ZNF883: variants seen among roughly 807,000 people sequenced by gnomAD.
ZNF883 encodes zinc finger protein 883.
intron 1 of ZNF883, among the ~76,000 whole-genome samples, chr9:112,991,819 C>T (rs754410102): frequency 1.1e-4 from 17 of 152,130 alleles, no homozygotes; most frequent in Middle Eastern, 3.2e-3. Context: ...GAATTGAATC[C>T]TTTACCATTA....
rs573613410 is a variant in ZNF883, at chr9:112,998,234, G to C, written n.26C>G. On this transcript the variant is annotated non_coding_transcript_exon_variant, in exon 1 of 1. Coordinates refer to ENST00000639662, the Ensembl canonical transcript of ZNF883. ...TTCAGTACAGAGATATGGGTTCGCG[G>C]TCATATAAATTTTCTCAGATTCCAT... The C allele has an allele frequency of 6.3e-6, 10 of 1,598,598 alleles. No homozygotes were observed. The East Asian group carries it at 8.9e-5, about 14-fold the overall frequency.
At chr9:113,010,673 A>C (rs10739384) in intron 2 of ZNF883, among the ~76,000 whole-genome samples, 89,794 of 152,012 alleles carry the variant, frequency 0.59, 27,217 homozygotes, top group East Asian at 0.84. Context: ...TGAATATATA[A>C]AATTTTTATT....
At chr9:112,996,619 G>A (rs569887452), downstream of ZNF883, among the ~76,000 whole-genome samples, 1,423 of 149,486 alleles carry the variant, frequency 9.5e-3, 13 homozygotes, top group Non-Finnish European at 0.014. Flanking sequence ...GTGAAACCCC[G>A]TCTCTACTAA....
upstream of ZNF883, among the ~76,000 whole-genome samples, chr9:113,001,255 A>C (rs1828420869): frequency 6.6e-6 from 1 of 152,172 alleles, no homozygotes; most frequent in South Asian, 2.1e-4. Context: ...TTTTTAGGCA[A>C]CATGTTATTT....
Position 112,990,951 on chromosome 9 carries a change from G to A in ZNF883, n.310-7372C>T, listed in dbSNP as rs113026862. ...TTGGTTGTATTTCTGTGGGGTCGGG[G>A]TGATATCCCCTTTACCATTTTTTAT... On this transcript the variant is annotated intron_variant and non_coding_transcript_variant, in intron 1 of 9. Transcript: ENST00000638823. Among the ~76,000 whole-genome samples the A allele has an allele frequency of 2.7e-3, 409 of 152,236 alleles. 1 individual carries two copies. The highest frequency in any genetic ancestry group is 9.0e-3 in the African/African-American group (372 of 41,554).
At chr9:113,004,226 G>A (rs1828454116) in intron 2 of ZNF883, among the ~76,000 whole-genome samples, 1 of 152,174 alleles carries the variant, frequency 6.6e-6, no homozygotes, top group South Asian at 2.1e-4. Flanking sequence ...TTTCCTACAG[G>A]TTTCAGAGGC....
At chr9:113,010,467 T>C (rs757176399) in intron 2 of ZNF883, among the ~76,000 whole-genome samples, 2 of 152,230 alleles carry the variant, frequency 1.3e-5, no homozygotes, top group Non-Finnish European at 2.9e-5. Context: ...TATTATTGCA[T>C]GGTTGTATAC....
downstream of ZNF883, among the ~76,000 whole-genome samples, chr9:112,994,858 C>G (rs568726589): frequency 6.6e-6 from 1 of 151,610 alleles, no homozygotes; most frequent in Non-Finnish European, 1.5e-5. Flanking sequence ...TAAATTATTG[C>G]TATCTTTTTT....
intron 1 of ZNF883, among the ~76,000 whole-genome samples, chr9:112,991,782 T>C (rs1828305852): frequency 6.6e-6 from 1 of 152,224 alleles, no homozygotes; most frequent in Admixed American, 6.5e-5. Flanking sequence ...GGTGCATATA[T>C]ATTTAGAATA....
chr9:113,004,813 CATATT>C (rs953531341), intron 2 of ZNF883, among the ~76,000 whole-genome samples: 14 of 150,200 alleles, frequency 9.3e-5, no homozygotes, highest in African/African-American at 3.4e-4. Context: ...GATATCCAAA[CATATT>C]CTATAGCTAC....
chr9:113,005,232 TAAAAGAC>T (rs1745197510), intron 2 of ZNF883, among the ~76,000 whole-genome samples: 2 of 151,990 alleles, frequency 1.3e-5, no homozygotes, highest in Admixed American at 1.3e-4. Flanking sequence ...TCAACTAAAT[TAAAAGAC>T]AAAAGACATA....
At position 113,008,208 on chromosome 9, in the gene ZNF883, C is replaced by T. The variant is rs991898577; in HGVS notation, n.165+2933G>A. On this transcript the variant is annotated intron_variant and non_coding_transcript_variant, in intron 2 of 4. Transcript: ENST00000638622. ...CAAATTACTGCCTATAAAGCATATTCTCTTTAATTTACTAATGACACAAGA... is the reference window on the plus strand; with the variant it reads ...CAAATTACTGCCTATAAAGCATATTTTCTTTAATTTACTAATGACACAAGA... Among the ~76,000 whole-genome samples the T allele has an allele frequency of 3.5e-4, 54 of 152,158 alleles. 1 individual carries two copies. The highest frequency in any genetic ancestry group is 6.5e-5 in the Admixed American group (1 of 15,272).
At chr9:112,991,327 T>C (rs1295337575) in intron 1 of ZNF883, among the ~76,000 whole-genome samples, 2 of 152,254 alleles carry the variant, frequency 1.3e-5, no homozygotes, top group East Asian at 3.8e-4. Flanking sequence ...ATTTGATTTC[T>C]GCCTTAATTG....
chr9:113,008,837 T>C (rs1271438791), intron 2 of ZNF883, among the ~76,000 whole-genome samples: 1 of 151,830 alleles, frequency 6.6e-6, no homozygotes, highest in African/African-American at 2.4e-5. Context: ...CTCCTGTTAC[T>C]ATGGAGTATA....
chr9:113,002,168 G>A (rs1262967324), upstream of ZNF883: 1 of 152,136 alleles, frequency 6.6e-6, no homozygotes, highest in East Asian at 1.9e-4. Context: ...ATGACAAAGT[G>A]GAGGACTATT....
chr9:113,008,677 C>T (rs1828501670), intron 2 of ZNF883, among the ~76,000 whole-genome samples: 1 of 151,900 alleles, frequency 6.6e-6, no homozygotes, highest in Non-Finnish European at 1.5e-5. Flanking sequence ...ATATAAATGA[C>T]AAAACTATCA....
upstream of ZNF883, chr9:112,999,272 T>C (rs1444591361): frequency 6.6e-6 from 1 of 152,202 alleles, no homozygotes; most frequent in African/African-American, 2.4e-5. Flanking sequence ...GAACAATATA[T>C]ATGTCTGGAA....
intron 2 of ZNF883, among the ~76,000 whole-genome samples, chr9:113,008,748 T>C (rs1027713605): frequency 1.3e-5 from 2 of 152,018 alleles, no homozygotes; most frequent in African/African-American, 4.8e-5. Context: ...AAGTGAGATC[T>C]AGTGCACTGG....
downstream of ZNF883, among the ~76,000 whole-genome samples, chr9:112,992,466 C>T (rs1348055271): frequency 6.6e-6 from 1 of 152,166 alleles, no homozygotes; most frequent in East Asian, 1.9e-4. Flanking sequence ...CTGATGGGCT[C>T]CCCTTTGTAG....
Sources: allele counts gnomAD v4.1 joint callset (sites outside exome capture counted in the v4.1 genomes callset), GRCh38; gene constraint gnomAD v4.1.1; transcripts MANE v1.5; gene names NCBI Gene and HGNC (gene_info 2026-07-23, HGNC 2026-07-21).